Variants in KLHL29 observed in about 807,000 individuals in gnomAD.
KLHL29 encodes the protein kelch-like protein 29.
In KLHL29, 21 loss-of-function variants were observed where a neutral mutation model predicts 80.4. That is an observed-to-expected ratio of 0.26 (90% CI 0.19 to 0.38). The LOEUF (loss-of-function observed/expected upper bound fraction) is 0.38. Among genes scored for constraint, KLHL29 ranks in the 10% least tolerant of loss-of-function variants. KLHL29 has a pLI of 1.00. For missense variants in KLHL29, 867 were observed against 1,223.9 expected, an observed-to-expected ratio of 0.71 and a Z score of 4.35; for synonymous variants, 511 against 526.8, an observed-to-expected ratio of 0.97 and a Z score of 0.41.
intron 3 of KLHL29, among the ~76,000 whole-genome samples, chr2:23,633,220 C>A (rs1251789231): frequency 6.6e-6 from 1 of 152,158 alleles, no homozygotes; most frequent in African/African-American, 2.4e-5. Context: ...TTCCCTGGGG[C>A]TCCTCAAGTT....
intron 5 of KLHL29, among the ~76,000 whole-genome samples, chr2:23,651,615 C>T (rs1291599015): frequency 6.6e-6 from 1 of 152,228 alleles, no homozygotes; most frequent in Non-Finnish European, 1.5e-5. Flanking sequence ...GGATTGTCAC[C>T]TCCTTGGTCT....
At chr2:23,616,864 G>A (rs1326898175) in intron 3 of KLHL29, 1 of 152,250 alleles carries the variant, frequency 6.6e-6, no homozygotes, top group Non-Finnish European at 1.5e-5. Flanking sequence ...CGGGCAGCGA[G>A]AAGAACACAT....
At position 23,533,725 on chromosome 2, in the gene KLHL29, C is replaced by T. The variant is rs145795239; in HGVS notation, c.-45-28427C>T. Among the ~76,000 whole-genome samples, 608 of 152,236 alleles carry T rather than the reference C, an allele frequency of 4.0e-3. 4 individuals are homozygous for T. Among genetic ancestry groups the T allele is most frequent in the Middle Eastern group, 6.8e-3 (2 of 294 alleles). ...GTAAATAAGAATTGGGGCATTTACG[C>T]CAATGAAGAGAACAGAATTTCCTTG... On this transcript the variant is annotated intron_variant, in intron 2 of 13. Coordinates refer to ENST00000486442, the MANE Select transcript of KLHL29 (RefSeq NM_052920.2).
chr2:23,394,104 C>CCT (rs1666389681), intron 1 of KLHL29, among the ~76,000 whole-genome samples: 1 of 152,190 alleles, frequency 6.6e-6, no homozygotes, highest in African/African-American at 2.4e-5. Flanking sequence ...CAACAGCGGC[C>CCT]GGAACATCCC....
intron 3 of KLHL29, among the ~76,000 whole-genome samples, chr2:23,584,877 C>T (rs568510811): frequency 1.2e-4 from 19 of 152,314 alleles, no homozygotes; most frequent in Admixed American, 5.9e-4. Flanking sequence ...GCTGGGATTA[C>T]AGGCGCCTGC....
At chr2:23,439,774 A>G (rs1179323642) in intron 1 of KLHL29, among the ~76,000 whole-genome samples, 67 of 151,548 alleles carry the variant, frequency 4.4e-4, no homozygotes, top group Non-Finnish European at 6.9e-4. Flanking sequence ...GTGCTGAAAA[A>G]AATGTATATT....
intron 3 of KLHL29, among the ~76,000 whole-genome samples, chr2:23,620,673 G>A (rs765747955): frequency 2.6e-5 from 4 of 152,162 alleles, no homozygotes; most frequent in Non-Finnish European, 5.9e-5. Context: ...TGGAAGCGTC[G>A]AGTGGGCTTG....
chr2:23,419,054 G>T (rs1212791647), intron 1 of KLHL29, among the ~76,000 whole-genome samples: 1 of 152,148 alleles, frequency 6.6e-6, no homozygotes. Context: ...CGCCCCATTG[G>T]TGTCTTTTAG....
chr2:23,452,455 T>C (rs1388584228), intron 1 of KLHL29, among the ~76,000 whole-genome samples: 2 of 152,070 alleles, frequency 1.3e-5, no homozygotes, highest in Non-Finnish European at 2.9e-5. Context: ...GGGGATCTCA[T>C]TTCAACATGA....
At chr2:23,393,217 C>G (rs1332754451) in intron 1 of KLHL29, among the ~76,000 whole-genome samples, 1 of 152,202 alleles carries the variant, frequency 6.6e-6, no homozygotes, top group African/African-American at 2.4e-5. Context: ...GACATCAAAG[C>G]TGACTTTTTG....
intron 2 of KLHL29, among the ~76,000 whole-genome samples, chr2:23,510,680 TG>T (rs1391940720): frequency 1.3e-5 from 2 of 151,996 alleles, no homozygotes; most frequent in Non-Finnish European, 2.9e-5. Flanking sequence ...GCTTAGTGAG[TG>T]GCTGGTGACA....
intron 12 of KLHL29, 136 bp from the exon 13 acceptor site, chr2:23,703,583 G>A (rs1034016365): frequency 2.1e-5 from 25 of 1,204,662 alleles, no homozygotes; most frequent in Admixed American, 2.8e-5. Context: ...CCTAGGCCCC[G>A]GACCCATCCC....
At chr2:23,703,446 A>G (rs1434327520) in intron 12 of KLHL29, 67 bp downstream of exon 12, 36 of 1,334,268 alleles carry the variant, frequency 2.7e-5, no homozygotes, top group Non-Finnish European at 3.5e-5. Context: ...TTTGTTCAGT[A>G]TCCCATGCCC....
chr2:23,498,973 C>G (rs149506206), intron 2 of KLHL29, among the ~76,000 whole-genome samples: 5 of 152,166 alleles, frequency 3.3e-5, no homozygotes, highest in African/African-American at 1.2e-4. Flanking sequence ...AATGGCTGAA[C>G]GCTTACAGAT....
intron 2 of KLHL29, among the ~76,000 whole-genome samples, chr2:23,521,001 C>CA (rs987695244): frequency 3.3e-5 from 5 of 151,964 alleles, no homozygotes; most frequent in African/African-American, 1.2e-4. Context: ...CACCCCCCCC[C>CA]CCGCTCCCCC....
intron 1 of KLHL29, among the ~76,000 whole-genome samples, chr2:23,431,058 A>G (rs6714827): frequency 0.4 from 61,541 of 152,090 alleles, 12,923 homozygotes; most frequent in African/African-American, 0.52. Flanking sequence ...CAGCCTGGAG[A>G]GTGTCCCCAG....
intron 5 of KLHL29, among the ~76,000 whole-genome samples, chr2:23,661,445 C>T (rs559593215): frequency 6.6e-6 from 1 of 152,206 alleles, no homozygotes; most frequent in Non-Finnish European, 1.5e-5. Context: ...CACCCCCAGA[C>T]AGACCGCATC....
intron 2 of KLHL29, among the ~76,000 whole-genome samples, chr2:23,487,143 G>A (rs1664955024): frequency 1.3e-5 from 2 of 151,952 alleles, no homozygotes; most frequent in South Asian, 4.2e-4. Context: ...GCGAGCAGCT[G>A]TACCTCTTGT....
intron 3 of KLHL29, among the ~76,000 whole-genome samples, chr2:23,588,077 A>G (rs531164093): frequency 6.6e-6 from 1 of 152,082 alleles, no homozygotes; most frequent in Non-Finnish European, 1.5e-5. Context: ...ACCTCTGACA[A>G]TTCTGGATGA....
Sources: allele counts gnomAD v4.1 joint callset (sites outside exome capture counted in the v4.1 genomes callset), GRCh38; gene constraint gnomAD v4.1.1; transcripts MANE v1.5; gene names NCBI Gene and HGNC (gene_info 2026-07-23, HGNC 2026-07-21).